Variants in MAPT observed in about 807,000 individuals in gnomAD.
MAPT encodes microtubule-associated protein tau.
A neutral mutation model predicts 67.9 loss-of-function variants in MAPT; 34 were observed. That is an observed-to-expected ratio of 0.50 (90% CI 0.38 to 0.67). The LOEUF (loss-of-function observed/expected upper bound fraction) is 0.67, where lower values mean the gene tolerates loss of function less well. MAPT is among the 30% of genes least tolerant of loss of function. MAPT has a pLI of 0.00. For synonymous variants in MAPT, 456 were observed against 464.5 expected (o/e 0.98, Z 0.23); for missense variants, 881 against 1,115.2 (o/e 0.79, Z 2.99).
At chr17:45,951,671 T>C (rs902505685) in intron 1 of MAPT, among the ~76,000 whole-genome samples, 1 of 152,044 alleles carries the variant, frequency 6.6e-6, no homozygotes, top group Non-Finnish European at 1.5e-5. Flanking sequence ...CAACAGTGAC[T>C]CAGCTAGCCC....
At chr17:45,939,002 T>C (rs2144851000) in intron 1 of MAPT, among the ~76,000 whole-genome samples, 1 of 152,092 alleles carries the variant, frequency 6.6e-6, no homozygotes, top group African/African-American at 2.4e-5. Flanking sequence ...TTAGTAAAGA[T>C]GGGGTTTCAC....
intron 1 of MAPT, among the ~76,000 whole-genome samples, chr17:45,907,008 C>T (rs904944050): frequency 3.9e-5 from 6 of 152,198 alleles, no homozygotes; most frequent in Admixed American, 2.0e-4. Flanking sequence ...ATATCCAATC[C>T]GTTTTGCATG....
intron 1 of MAPT, among the ~76,000 whole-genome samples, chr17:45,903,995 T>TTATATATTTATATATATTATAG (rs2063919839): frequency 6.0e-5 from 1 of 16,786 alleles, no homozygotes; most frequent in South Asian, 1.1e-3. Context: ...TATTTATATA[T>TTATATATTTATATATATTATAG]ATTATATATT....
chr17:45,995,042 C>T lies in MAPT; in HGVS notation c.1733-1357C>T, dbSNP rs1023478686. Among the ~76,000 whole-genome samples, 7 of 151,572 alleles carry T rather than the reference C, an allele frequency of 4.6e-5. No individual in the cohort carries two copies. The highest frequency in any genetic ancestry group is 7.3e-5 in the African/African-American group (3 of 41,228). On this transcript the variant is annotated intron_variant, in intron 8 of 12. Coordinates refer to ENST00000262410, the MANE Select transcript of MAPT (RefSeq NM_001377265.1). The surrounding 1 kb of genome is among the most constrained non-coding windows in gnomAD (Gnocchi z 4.3). Reference sequence around the variant, plus strand: ...CAGCCTGGGCATCAGAATAAGACTCCGTCTCAAAAAAAAAACCACAAAAAA... The same window carrying T: ...CAGCCTGGGCATCAGAATAAGACTCTGTCTCAAAAAAAAAACCACAAAAAA...
At chr17:45,907,594 CTTAT>C (rs2064412715) in intron 1 of MAPT, 1 of 152,220 alleles carries the variant, frequency 6.6e-6, no homozygotes, top group African/African-American at 2.4e-5. Context: ...ATGAGCTCTC[CTTAT>C]TTAAATCAAG....
At chr17:45,937,536 A>G (rs2067447325) in intron 1 of MAPT, among the ~76,000 whole-genome samples, 1 of 151,368 alleles carries the variant, frequency 6.6e-6, no homozygotes, top group Admixed American at 6.6e-5. Flanking sequence ...GGTTACAGTA[A>G]GCTGTGATTG....
chr17:46,008,836 G>A (rs933549910), intron 9 of MAPT, among the ~76,000 whole-genome samples: 15 of 152,114 alleles, frequency 9.9e-5, no homozygotes, highest in Non-Finnish European at 1.5e-4. Context: ...TTTCGGAAGC[G>A]GCCTGGGCAC....
rs147119457 is a variant in MAPT at position 45,937,532 on chromosome 17, A to G, written c.-17-24789A>G. Among the ~76,000 whole-genome samples, 1,136 of 151,466 alleles carry G rather than the reference A, an allele frequency of 7.5e-3. 5 individuals are homozygous for G. The highest frequency in any genetic ancestry group is 0.012 in the Non-Finnish European group (791 of 67,918). The stretch of plus-strand genomic sequence containing the variant: ...CTTGAGCCCAAGAGTTTGAGGTTAC[A>G]GTAAGCTGTGATTGCACCACTGCAC... On this transcript the variant is annotated intron_variant, in intron 1 of 12. Coordinates refer to ENST00000262410, the MANE Select transcript of MAPT (RefSeq NM_001377265.1).
chr17:45,916,719 A>G (rs1010482091), intron 1 of MAPT, among the ~76,000 whole-genome samples: 1 of 152,236 alleles, frequency 6.6e-6, no homozygotes, highest in Non-Finnish European at 1.5e-5. Flanking sequence ...AAGTCTGCAG[A>G]GAGGTGCCAG....
At chr17:45,974,582 AACATGGGT>A in intron 3 of MAPT, 3 of 834,506 alleles carry the variant, frequency 3.6e-6, no homozygotes, top group Non-Finnish European at 5.8e-6. Context: ...GTGGGGCAGG[AACATGGGT>A]GGATTCTGGC....
At chr17:45,929,890 C>G (rs1410491208) in intron 1 of MAPT, among the ~76,000 whole-genome samples, 1 of 152,132 alleles carries the variant, frequency 6.6e-6, no homozygotes, top group Non-Finnish European at 1.5e-5. Flanking sequence ...GTTAGTGGAT[C>G]CCTGAAGTTC....
chr17:45,903,607 C>T (rs1474670995), intron 1 of MAPT, among the ~76,000 whole-genome samples: 2 of 143,232 alleles, frequency 1.4e-5, no homozygotes, highest in African/African-American at 5.2e-5. Flanking sequence ...CCCAGCTACT[C>T]GAGAGGCTGA....
chr17:45,967,151 C>A (rs1360132249), intron 2 of MAPT, among the ~76,000 whole-genome samples: 4 of 152,148 alleles, frequency 2.6e-5, no homozygotes, highest in African/African-American at 9.7e-5. Flanking sequence ...GATACCTGCC[C>A]AAGAGAGCTG....
chr17:45,945,829 A>G (rs2068426088), intron 1 of MAPT, among the ~76,000 whole-genome samples: 1 of 152,102 alleles, frequency 6.6e-6, no homozygotes, highest in African/African-American at 2.4e-5. Context: ...AAAGAAAAAA[A>G]GACAAAGCTT....
chr17:45,978,480 G>T lies in MAPT; in HGVS notation c.286+40G>T, dbSNP rs186666934. ...ATTGCCTGCCATGACTTGGGGGTTG[G>T]GGGGAGGGACATGGGGTGGGCTCTG... is the stretch of plus-strand genomic sequence containing the variant. On this transcript the variant is annotated intron_variant, in intron 4 of 12. Coordinates refer to ENST00000262410, the MANE Select transcript of MAPT (RefSeq NM_001377265.1). 618 of 1,528,138 alleles carry T rather than the reference G, an allele frequency of 4.0e-4. 4 individuals are homozygous for T. The highest frequency in any genetic ancestry group is 5.1e-4 in the Non-Finnish European group (567 of 1,103,002). 94.7% of individuals were successfully genotyped at this position (1,528,138 alleles called of 1,614,324 possible).
intron 1 of MAPT, among the ~76,000 whole-genome samples, chr17:45,935,922 AC>A: frequency 6.6e-6 from 1 of 152,184 alleles, no homozygotes; most frequent in African/African-American, 2.4e-5. Context: ...TAAGAGAATC[AC>A]AGACACTTGG....
chr17:45,945,355 A>G (rs1361446808), intron 1 of MAPT, among the ~76,000 whole-genome samples: 1 of 152,242 alleles, frequency 6.6e-6, no homozygotes, highest in Non-Finnish European at 1.5e-5. Flanking sequence ...ATGTGTGGCT[A>G]AAAAGGGATC....
chr17:45,937,154 G>A (rs766074233), intron 1 of MAPT, among the ~76,000 whole-genome samples: 1 of 152,146 alleles, frequency 6.6e-6, no homozygotes, highest in South Asian at 2.1e-4. Flanking sequence ...TCCTATCTTT[G>A]TACCCCCACT....
At position 46,010,398 on chromosome 17, in the gene MAPT, G is replaced by A; in HGVS notation, c.2087G>A (p.Gly696Asp). 2 of 1,569,334 alleles carry A rather than the reference G, an allele frequency of 1.3e-6. No individual in the cohort carries two copies. The highest frequency in any genetic ancestry group is 1.7e-6 in the Non-Finnish European group (2 of 1,155,496). ...KDNIKHVPGGGSVQIVYKPVD... is the reference protein window; with the variant it reads ...KDNIKHVPGGDSVQIVYKPVD... ...AATATCAAACACGTCCCGGGAGGCG[G>A]CAGTGTGAGTACCTTCACACGTCCC... is the stretch of plus-strand genomic sequence containing the variant. Residue 696 changes from glycine to aspartate, a missense_variant, in exon 10 of 13, where the codon GGC (glycine) becomes GAC (aspartate). Physicochemically the swap from Gly to Asp is moderately conservative, Grantham distance 94. This residue lies in a region of MAPT where 34 missense variants were observed against 51.2 expected (regional missense o/e 0.66). Transcript: ENST00000262410. The surrounding 1 kb of genome is among the most constrained non-coding windows in gnomAD (Gnocchi z 4.7).
Sources: allele counts gnomAD v4.1 joint callset (sites outside exome capture counted in the v4.1 genomes callset), GRCh38; gene constraint gnomAD v4.1.1; regional missense constraint gnomAD v4.1.1; non-coding constraint Gnocchi (gnomAD v3.1); transcripts MANE v1.5; gene names NCBI Gene and HGNC (gene_info 2026-07-23, HGNC 2026-07-21).